The following FHIT variants were observed in gnomAD, a reference collection of about 807,000 sequenced individuals.
FHIT encodes fragile histidine triad diadenosine triphosphatase.
FHIT carries 19 observed loss-of-function variants against 17.9 expected under a neutral mutation model. That is an observed-to-expected ratio of 1.06 (90% CI 0.74 to 1.56). The LOEUF (loss-of-function observed/expected upper bound fraction) is 1.56. Ranked by LOEUF, FHIT falls within the 40% of genes most tolerant of loss-of-function variation. The pLI, the probability that FHIT is intolerant of heterozygous loss-of-function variation, is 0.00. For synonymous variants in FHIT, 81 were observed against 69.7 expected, an observed-to-expected ratio of 1.16 and a Z score of -0.81; for missense variants, 248 against 189.2, an observed-to-expected ratio of 1.31 and a Z score of -1.82.
chr3:60,311,946 C>T (rs1001735816), intron 5 of FHIT, among the ~76,000 whole-genome samples: 5 of 152,028 alleles, frequency 3.3e-5, no homozygotes, highest in African/African-American at 1.2e-4. Context: ...AACGACTTGC[C>T]TAAGGTAATA....
At chr3:60,299,190 G>A (rs1708343090) in intron 5 of FHIT, among the ~76,000 whole-genome samples, 1 of 152,052 alleles carries the variant, frequency 6.6e-6, no homozygotes, top group African/African-American at 2.4e-5. Context: ...CGTATTCTTT[G>A]AACCTCATTA....
At chr3:60,449,999 C>CAAAAAA (rs35302096) in intron 5 of FHIT, among the ~76,000 whole-genome samples, 2 of 65,072 alleles carry the variant, frequency 3.1e-5, no homozygotes, top group Non-Finnish European at 2.9e-5. Context: ...TAGACTCTGT[C>CAAAAAA]AAAAAAAAAA....
chr3:60,290,312 C>T (rs1352549901), intron 5 of FHIT, among the ~76,000 whole-genome samples: 2 of 152,174 alleles, frequency 1.3e-5, no homozygotes, highest in Non-Finnish European at 2.9e-5. Context: ...AATCTTCTCT[C>T]ACTTTGAATG....
At chr3:60,497,771 T>C (rs1472232603) in intron 5 of FHIT, among the ~76,000 whole-genome samples, 1 of 152,220 alleles carries the variant, frequency 6.6e-6, no homozygotes, top group Non-Finnish European at 1.5e-5. Flanking sequence ...AAGAAGCTGA[T>C]GATCTAGAAC....
At chr3:60,580,899 C>T (rs2037729396) in intron 4 of FHIT, among the ~76,000 whole-genome samples, 1 of 152,016 alleles carries the variant, frequency 6.6e-6, no homozygotes, top group Admixed American at 6.6e-5. Flanking sequence ...TTGTCCTGTA[C>T]TTGGCAATTG....
At chr3:60,175,571 G>C (rs1251721589) in intron 5 of FHIT, among the ~76,000 whole-genome samples, 2 of 152,082 alleles carry the variant, frequency 1.3e-5, no homozygotes, top group African/African-American at 4.8e-5. Context: ...AAGTCTAAAT[G>C]GCAATACGAG....
At chr3:59,911,384 T>G (rs956885429) in intron 8 of FHIT, among the ~76,000 whole-genome samples, 2 of 152,172 alleles carry the variant, frequency 1.3e-5, no homozygotes, top group South Asian at 2.1e-4. Flanking sequence ...CTGGGTTGGG[T>G]GTAGACACAG....
chr3:60,717,667 A>G (rs1467494002), intron 4 of FHIT, among the ~76,000 whole-genome samples: 1 of 152,186 alleles, frequency 6.6e-6, no homozygotes, highest in Non-Finnish European at 1.5e-5. Flanking sequence ...GTAGAACTTT[A>G]AGTGTTCTAG....
intron 5 of FHIT, among the ~76,000 whole-genome samples, chr3:60,184,403 T>C (rs900222274): frequency 9.9e-5 from 15 of 152,186 alleles, no homozygotes; most frequent in African/African-American, 3.6e-4. Context: ...CTTTACTGTT[T>C]CTTATGACCT....
chr3:60,804,642 G>C (rs1026802770), intron 4 of FHIT, among the ~76,000 whole-genome samples: 2 of 152,188 alleles, frequency 1.3e-5, no homozygotes, highest in African/African-American at 4.8e-5. Flanking sequence ...GTCTGAGATA[G>C]CTCGGCCTTA....
intron 2 of FHIT, among the ~76,000 whole-genome samples, chr3:61,188,151 T>C (rs1048568351): frequency 1.1e-4 from 16 of 152,112 alleles, no homozygotes; most frequent in African/African-American, 3.6e-4. Context: ...GAGCTGGTTT[T>C]TTGAAAAGAT....
chr3:60,153,639 T>C (rs987909059), intron 5 of FHIT, among the ~76,000 whole-genome samples: 2 of 152,160 alleles, frequency 1.3e-5, no homozygotes, highest in Non-Finnish European at 2.9e-5. Context: ...CAGATAGAAT[T>C]ACGTCCAAAA....
rs921463017 is a variant in FHIT, at chr3:60,821,943, G to A, written c.-42C>T. 8.6e-5 allele frequency: 13 copies of A among 152,022 alleles called. No homozygotes were observed. Among genetic ancestry groups the A allele is most frequent in the Non-Finnish European group, 1.3e-4 (9 of 67,994 alleles). 9.4% of individuals were successfully genotyped at this position (152,022 alleles called of 1,614,324 possible). On this transcript the variant is annotated 5_prime_UTR_variant, in exon 4 of 10. Transcript: ENST00000492590. ...CCTTTCAGAAGACTGCTACCTCTTC[G>A]GAGTCCTCAGTGGCAGGATGCACAG...
intron 8 of FHIT, among the ~76,000 whole-genome samples, chr3:59,839,403 A>G (rs114644469): frequency 2.7e-3 from 411 of 152,170 alleles, no homozygotes; most frequent in African/African-American, 3.5e-3. Context: ...TTATTTCACT[A>G]TTTCACAACA....
chr3:59,788,101 G>C (rs895239023), intron 8 of FHIT, among the ~76,000 whole-genome samples: 1 of 152,102 alleles, frequency 6.6e-6, no homozygotes, highest in African/African-American at 2.4e-5. Flanking sequence ...GGTAGCAAAG[G>C]ACACAATGTG....
chr3:60,876,236 GT>G (rs1469861793), intron 3 of FHIT, among the ~76,000 whole-genome samples: 1 of 152,044 alleles, frequency 6.6e-6, no homozygotes. Context: ...TTTTGGTTGA[GT>G]TTAGGTAATG....
At chr3:60,883,144 A>C (rs529231722) in intron 3 of FHIT, among the ~76,000 whole-genome samples, 3 of 152,228 alleles carry the variant, frequency 2.0e-5, no homozygotes, top group Admixed American at 6.5e-5. Context: ...TAAAATACCT[A>C]GGAATAAATC....
At chr3:60,486,940 G>A (rs2362889) in intron 5 of FHIT, among the ~76,000 whole-genome samples, 13,819 of 152,072 alleles carry the variant, frequency 0.091, 1,056 homozygotes, top group East Asian at 0.39. Context: ...AACAACTTTG[G>A]GAGTGACTGT....
chr3:60,561,947 A>G (rs186478071), intron 4 of FHIT, among the ~76,000 whole-genome samples: 1,874 of 43,208 alleles, frequency 0.043, 35 homozygotes, highest in African/African-American at 0.22. Flanking sequence ...AAAGAGAGAA[A>G]CAGAGAGAGA....
Sources: gnomAD v4.1 joint callset for allele counts (sites outside exome capture counted in the v4.1 genomes callset) on GRCh38, gnomAD v4.1.1 for gene constraint, MANE v1.5 for transcripts, NCBI Gene and HGNC (gene_info 2026-07-23, HGNC 2026-07-21) for gene names.